The following RASA1 variants were observed in gnomAD, a reference collection of about 807,000 sequenced individuals.
RASA1 encodes the protein RAS p21 protein activator 1.
A neutral mutation model predicts 132.2 loss-of-function variants in RASA1; 25 were observed. That is an observed-to-expected ratio of 0.19 (90% CI 0.14 to 0.26). The LOEUF (loss-of-function observed/expected upper bound fraction) is 0.26. Ranked by LOEUF, RASA1 falls within the 10% of genes least tolerant of loss-of-function variation. The pLI is 1.00. For synonymous variants in RASA1, 477 were observed against 449.9 expected (o/e 1.06, Z -0.76); for missense variants, 964 against 1,299.2 (o/e 0.74, Z 3.97).
rs761101703 is a variant in RASA1 at position 87,331,388 on chromosome 5, C to T, written c.580C>T (p.Arg194Cys). Reference sequence around the variant, plus strand: ...ACTTGACAGAACGATAGCAGAAGAACGCCTCAGGCAGGCAGGGAAGTCTGG... The same window carrying T: ...ACTTGACAGAACGATAGCAGAAGAATGCCTCAGGCAGGCAGGGAAGTCTGG... ...GKLDRTIAEE[R>C]LRQAGKSGSY... is the part of the protein sequence containing the mutation. The change falls in exon 2 of 25, where the codon CGC (arginine) becomes TGC (cysteine). Residue 194 changes from arginine to cysteine, a missense_variant. Transcript: ENST00000274376. 1.2e-6 allele frequency: 2 copies of T among 1,612,250 alleles called. No individual in the cohort carries two copies. Among genetic ancestry groups the T allele is most frequent in the African/African-American group, 1.3e-5 (1 of 74,860 alleles).
intron 1 of RASA1, among the ~76,000 whole-genome samples, chr5:87,286,460 T>G (rs1754570014): frequency 6.6e-6 from 1 of 151,942 alleles, no homozygotes; most frequent in Non-Finnish European, 1.5e-5. Context: ...TCCTGATACA[T>G]TATGACACAG....
chr5:87,302,030 C>T (rs942799655), intron 1 of RASA1, among the ~76,000 whole-genome samples: 2 of 152,022 alleles, frequency 1.3e-5, no homozygotes, highest in Non-Finnish European at 2.9e-5. Context: ...TTTTAATGAA[C>T]ATGTATAGAC....
chr5:87,359,905 A>G lies in RASA1; in HGVS notation c.1333-2646A>G, dbSNP rs186404846. The stretch of plus-strand genomic sequence containing the variant: ...GTACCTGAAATGGACAGTCTTTTCA[A>G]TGCAACTAACAGTTCTTCACCCTTC... On this transcript the variant is annotated intron_variant, in intron 9 of 24. Transcript: ENST00000274376. 4.6e-3 allele frequency among the ~76,000 whole-genome samples: 697 copies of G among 152,264 alleles called. 4 individuals are homozygous for G. Among genetic ancestry groups the G allele is most frequent in the African/African-American group, 0.016 (658 of 41,548 alleles).
At chr5:87,274,825 C>T (rs1481000706) in intron 1 of RASA1, among the ~76,000 whole-genome samples, 4 of 152,118 alleles carry the variant, frequency 2.6e-5, no homozygotes, top group East Asian at 1.9e-4. Context: ...TGATGCTCTT[C>T]GCTTAATGAT....
chr5:87,344,493 T>C (rs1758701337), intron 6 of RASA1, among the ~76,000 whole-genome samples: 1 of 152,002 alleles, frequency 6.6e-6, no homozygotes, highest in African/African-American at 2.4e-5. Flanking sequence ...AGCATGTAGG[T>C]CTTCAAATTC....
intron 1 of RASA1, among the ~76,000 whole-genome samples, chr5:87,297,271 C>T (rs1755162500): frequency 6.6e-6 from 1 of 152,180 alleles, no homozygotes; most frequent in Admixed American, 6.5e-5. Context: ...GTTTTTGATA[C>T]TTGCTCTGTC....
chr5:87,345,462 G>C (rs1270523737), intron 6 of RASA1, among the ~76,000 whole-genome samples: 2 of 152,036 alleles, frequency 1.3e-5, no homozygotes, highest in Non-Finnish European at 2.9e-5. Flanking sequence ...AGCATTTGTA[G>C]TAAGTGGTCA....
intron 9 of RASA1, among the ~76,000 whole-genome samples, chr5:87,355,047 A>G (rs1452138012): frequency 2.0e-5 from 3 of 152,188 alleles, no homozygotes; most frequent in African/African-American, 7.2e-5. Flanking sequence ...GAAAGATGCT[A>G]TCTCCATAAC....
At chr5:87,378,233 A>G (rs557481333) in intron 17 of RASA1, among the ~76,000 whole-genome samples, 163 bp from the exon 18 acceptor site, 1 of 152,368 alleles carries the variant, frequency 6.6e-6, no homozygotes, top group South Asian at 2.1e-4. Context: ...TTAAGTCTGT[A>G]GAAGTATAGG....
At chr5:87,316,713 A>T (rs1394325427) in intron 1 of RASA1, among the ~76,000 whole-genome samples, 6 of 152,128 alleles carry the variant, frequency 3.9e-5, no homozygotes. Flanking sequence ...CTGCACATAA[A>T]CTGTCAAAGC....
chr5:87,370,309 C>T (rs1246868757), intron 12 of RASA1, among the ~76,000 whole-genome samples: 2 of 152,122 alleles, frequency 1.3e-5, no homozygotes, highest in Non-Finnish European at 2.9e-5. Flanking sequence ...TCAGTCAACA[C>T]AAGGAAAGAT....
intron 9 of RASA1, among the ~76,000 whole-genome samples, chr5:87,361,160 T>C (rs982477891): frequency 7.9e-5 from 12 of 152,198 alleles, no homozygotes; most frequent in African/African-American, 2.7e-4. Flanking sequence ...AGTCTGTCTT[T>C]TTATCTGGAA....
Position 87,373,987 on chromosome 5 carries a change from CTGAA to C in RASA1, c.1777-173_1777-170del, listed in dbSNP as rs1302074777. Among the ~76,000 whole-genome samples, 6 of 151,382 alleles carry C rather than the reference CTGAA, an allele frequency of 4.0e-5. No individual in the cohort carries two copies. The South Asian group carries it at 1.3e-3, about 32-fold the overall frequency. ...AGGTGGGAAGAATTATTTTAAATGT[CTGAA>C]TGTTTTAAGTATGTCATATACAAAT... On this transcript the variant is annotated intron_variant, in intron 13 of 24. Coordinates refer to ENST00000274376, the MANE Select transcript of RASA1 (RefSeq NM_002890.3).
chr5:87,322,296 C>T (rs1449523436), intron 1 of RASA1, among the ~76,000 whole-genome samples: 1 of 152,158 alleles, frequency 6.6e-6, no homozygotes, highest in Non-Finnish European at 1.5e-5. Context: ...ATCAGCAGAG[C>T]TTAGATCAGC....
At chr5:87,349,531 T>G (rs1011312012) in intron 8 of RASA1, among the ~76,000 whole-genome samples, 167 bp downstream of exon 8, 1 of 151,946 alleles carries the variant, frequency 6.6e-6, no homozygotes, top group Non-Finnish European at 1.5e-5. Context: ...TTAGACAGTG[T>G]CAAATATGAA....
chr5:87,284,600 G>C (rs1017826323), intron 1 of RASA1, among the ~76,000 whole-genome samples: 3 of 152,192 alleles, frequency 2.0e-5, no homozygotes, highest in African/African-American at 7.2e-5. Context: ...GCTGGTGGTA[G>C]AAGAAATGAA....
Position 87,374,442 on chromosome 5 carries a change from CATAT to C in RASA1, c.1934+137_1934+140del, listed in dbSNP as rs772543160. On this transcript the variant is annotated intron_variant, in intron 14 of 24. Transcript: ENST00000274376. ...GTACCATATCCAGGTGTTCTAATAG[CATAT>C]ATATATATATATATTTTTTTTTTTT... 7.0e-4 allele frequency: 199 copies of C among 283,206 alleles called. 1 individual carries two copies. The highest frequency in any genetic ancestry group is 4.4e-3 in the African/African-American group (177 of 40,328). The allele number at this position is 283,206 out of a possible 1,614,324, so 17.5% of individuals were successfully genotyped here. A position where few individuals can be genotyped will look rare whatever the true frequency, so the allele number is the denominator to read the frequency against.
intron 1 of RASA1, among the ~76,000 whole-genome samples, chr5:87,283,336 A>G (rs946281663): frequency 5.3e-5 from 8 of 151,974 alleles, no homozygotes; most frequent in Admixed American, 1.3e-4. Flanking sequence ...ATACACATCA[A>G]CATTAACATG....
chr5:87,364,395 T>A (rs765349986), intron 11 of RASA1, among the ~76,000 whole-genome samples: 1 of 152,188 alleles, frequency 6.6e-6, no homozygotes, highest in Non-Finnish European at 1.5e-5. Context: ...GAAATGCTGA[T>A]TGAACAAATA....
Sources: gnomAD v4.1 joint callset for allele counts (sites outside exome capture counted in the v4.1 genomes callset) on GRCh38, gnomAD v4.1.1 for gene constraint, MANE v1.5 for transcripts, NCBI Gene and HGNC (gene_info 2026-07-23, HGNC 2026-07-21) for gene names.